Variants in AVEN observed in about 807,000 individuals in gnomAD.
The protein encoded by AVEN is cell death regulator Aven.
AVEN carries 41 observed loss-of-function variants against 38.1 expected under a neutral mutation model. The observed-to-expected ratio is 1.08, with a 90% CI of 0.84 to 1.40. The LOEUF is 1.40. AVEN is among the 40% of genes most tolerant of loss of function. The pLI, the probability that AVEN is intolerant of heterozygous loss-of-function variation, is 0.00. For synonymous variants in AVEN, 206 were observed against 171.8 expected, an observed-to-expected ratio of 1.20 and a Z score of -1.56; for missense variants, 605 against 438.8, an observed-to-expected ratio of 1.38 and a Z score of -3.38.
intron 1 of AVEN, among the ~76,000 whole-genome samples, chr15:34,025,855 C>G (rs1040998045): frequency 9.2e-5 from 14 of 152,096 alleles, no homozygotes; most frequent in African/African-American, 3.1e-4. Context: ...GATCATCTTG[C>G]CCCACAAAGC....
At chr15:33,902,097 T>C (rs528429544) in intron 2 of AVEN, among the ~76,000 whole-genome samples, 16 of 152,366 alleles carry the variant, frequency 1.1e-4, no homozygotes, top group Non-Finnish European at 2.2e-4. Flanking sequence ...CAAAAAGTCA[T>C]TGCCAAGGCC....
chr15:33,853,829 C>A, downstream of AVEN: 1 of 979,494 alleles, frequency 1.0e-6, no homozygotes, highest in Non-Finnish European at 1.5e-6. Context: ...ACTGGGAGAG[C>A]ACTGCCTTAA....
chr15:34,044,898 A>G (rs1899629989), intron 5 of AVEN, among the ~76,000 whole-genome samples: 1 of 152,102 alleles, frequency 6.6e-6, no homozygotes, highest in Non-Finnish European at 1.5e-5. Flanking sequence ...AATACAAAAA[A>G]TTAGCTGGGC....
At chr15:33,951,560 A>G (rs1482947859) in intron 2 of AVEN, among the ~76,000 whole-genome samples, 2 of 148,556 alleles carry the variant, frequency 1.3e-5, no homozygotes, top group Admixed American at 1.3e-4. Context: ...TTAAAGTATA[A>G]TAAAAAAAAA....
At chr15:34,015,465 G>C (rs185900072) in intron 1 of AVEN, among the ~76,000 whole-genome samples, 56 of 151,856 alleles carry the variant, frequency 3.7e-4, no homozygotes, top group African/African-American at 1.4e-3. Flanking sequence ...CTGGGTGACA[G>C]AGCGAGACTC....
At chr15:34,033,794 T>G (rs1406089317) in intron 1 of AVEN, among the ~76,000 whole-genome samples, 1 of 152,184 alleles carries the variant, frequency 6.6e-6, no homozygotes, top group Non-Finnish European at 1.5e-5. Context: ...TTTTGTTTTT[T>G]GTTTTTTGTT....
chr15:33,976,994 T>C (rs1411530636), intron 2 of AVEN, among the ~76,000 whole-genome samples: 1 of 152,188 alleles, frequency 6.6e-6, no homozygotes, highest in African/African-American at 2.4e-5. Context: ...TGATTCCTTA[T>C]ATAGAAAAGA....
At chr15:33,885,746 G>T (rs1405901042) in intron 2 of AVEN, 1 of 152,128 alleles carries the variant, frequency 6.6e-6, no homozygotes, top group African/African-American at 2.4e-5. Flanking sequence ...TATGTTGAAG[G>T]AAATGCCAAA....
At chr15:33,854,515 CTATGCAG>C, downstream of AVEN, 1 of 1,343,606 alleles carries the variant, frequency 7.4e-7, no homozygotes, top group Non-Finnish European at 1.0e-6. Flanking sequence ...GAGAAGCAAG[CTATGCAG>C]GATGCTCAGA....
chr15:33,894,331 G>A (rs1294578846), intron 2 of AVEN, among the ~76,000 whole-genome samples: 1 of 151,976 alleles, frequency 6.6e-6, no homozygotes, highest in Non-Finnish European at 1.5e-5. Flanking sequence ...CCAATCTCCA[G>A]AAAGAACACG....
At chr15:33,897,927 C>T (rs561966021) in intron 2 of AVEN, among the ~76,000 whole-genome samples, 165 of 151,216 alleles carry the variant, frequency 1.1e-3, no homozygotes, top group Non-Finnish European at 1.4e-3. Flanking sequence ...TGGTAGCTCA[C>T]GCCTGTAATC....
downstream of AVEN, among the ~76,000 whole-genome samples, chr15:33,861,991 T>C (rs1888414626): frequency 6.6e-6 from 1 of 152,070 alleles, no homozygotes; most frequent in African/African-American, 2.4e-5. Context: ...AGTGTTTCAC[T>C]TATTCTACGG....
At chr15:34,024,770 A>G (rs1207399965) in intron 1 of AVEN, among the ~76,000 whole-genome samples, 1 of 151,074 alleles carries the variant, frequency 6.6e-6, no homozygotes, top group Non-Finnish European at 1.5e-5. Flanking sequence ...CTGAGGCAGG[A>G]GAATAGCTTG....
intron 1 of AVEN, among the ~76,000 whole-genome samples, chr15:34,005,039 A>G (rs1001133124): frequency 6.6e-6 from 1 of 152,122 alleles, no homozygotes; most frequent in Non-Finnish European, 1.5e-5. Context: ...TAGGAGGAAA[A>G]GACAAGCAAA....
rs1386466304 is a variant in AVEN, at chr15:33,983,227, CACACAT to C, written c.445+19799_445+19804del. Among the ~76,000 whole-genome samples, 15 of 56,474 alleles carry C rather than the reference CACACAT, an allele frequency of 2.7e-4. No individual in the cohort carries two copies. The East Asian group carries it at 4.9e-3, about 18-fold the overall frequency. 37.0% of individuals were successfully genotyped at this position (56,474 alleles called of 152,430 possible). A position where few individuals can be genotyped will look rare whatever the true frequency, so the allele number is the denominator to read the frequency against. Reference sequence around the variant, plus strand: ...ATATATATATATACATATATATACACACACATACACACACACACATATATATGGCTT... The same window carrying C: ...ATATATATATATACATATATATACACACACACACACACATATATATGGCTT... On this transcript the variant is annotated intron_variant, in intron 2 of 5. Coordinates refer to ENST00000306730, the MANE Select transcript of AVEN (RefSeq NM_020371.3).
At chr15:34,030,288 A>G (rs903340805) in intron 1 of AVEN, among the ~76,000 whole-genome samples, 1 of 152,160 alleles carries the variant, frequency 6.6e-6, no homozygotes, top group Non-Finnish European at 1.5e-5. Flanking sequence ...CAAATCCACT[A>G]TGTCAATAAA....
At chr15:34,016,445 A>G (rs1897916017) in intron 1 of AVEN, among the ~76,000 whole-genome samples, 1 of 152,126 alleles carries the variant, frequency 6.6e-6, no homozygotes, top group Non-Finnish European at 1.5e-5. Context: ...GCTTCCTGGT[A>G]CTTGATTCTC....
At chr15:33,879,155 A>G (rs1189119825) in intron 2 of AVEN, among the ~76,000 whole-genome samples, 2 of 151,948 alleles carry the variant, frequency 1.3e-5, no homozygotes, top group African/African-American at 4.8e-5. Context: ...ACCAACCCAA[A>G]TGTCTAACAA....
chr15:33,955,562 T>C (rs563908555), intron 2 of AVEN, among the ~76,000 whole-genome samples: 1 of 152,284 alleles, frequency 6.6e-6, no homozygotes, highest in South Asian at 2.1e-4. Flanking sequence ...GGAAAAATGA[T>C]AGTTTCATTT....
Sources: gnomAD v4.1 joint callset for allele counts (sites outside exome capture counted in the v4.1 genomes callset) on GRCh38, gnomAD v4.1.1 for gene constraint, MANE v1.5 for transcripts, NCBI Gene and HGNC (gene_info 2026-07-23, HGNC 2026-07-21) for gene names.